Variants in SPAG16 observed in about 807,000 individuals in gnomAD.
SPAG16 encodes sperm-associated antigen 16 protein.
SPAG16 carries 86 observed loss-of-function variants against 80.4 expected under a neutral mutation model. The ratio of observed to expected loss-of-function variants is 1.07; its 90% CI spans 0.90 to 1.28. The LOEUF (loss-of-function observed/expected upper bound fraction) is 1.28, where lower values mean the gene tolerates loss of function less well. SPAG16 is among the 50% of genes most tolerant of loss of function. The pLI is 0.00. For missense variants in SPAG16, 870 were observed against 765.3 expected (o/e 1.14, Z -1.61); for synonymous variants, 294 against 265.9 (o/e 1.11, Z -1.03).
intron 10 of SPAG16, among the ~76,000 whole-genome samples, chr2:213,836,499 T>A (rs896591713): frequency 3.3e-5 from 5 of 152,200 alleles, no homozygotes; most frequent in Admixed American, 3.3e-4. Flanking sequence ...TTTTTATTAG[T>A]CTTTTATGGT....
At chr2:213,723,773 C>T (rs1020769246) in intron 10 of SPAG16, among the ~76,000 whole-genome samples, 33 of 152,152 alleles carry the variant, frequency 2.2e-4, no homozygotes, top group Admixed American at 2.1e-3. Flanking sequence ...TTCCAGGGAG[C>T]TGTGCTTCAA....
intron 10 of SPAG16, among the ~76,000 whole-genome samples, chr2:213,517,838 A>C (rs1358854507): frequency 1.3e-5 from 2 of 152,182 alleles, no homozygotes; most frequent in Non-Finnish European, 2.9e-5. Context: ...TAAGACCTAA[A>C]ACTATGAAAA....
intron 7 of SPAG16, among the ~76,000 whole-genome samples, chr2:213,353,698 C>T (rs577753422): frequency 6.6e-6 from 1 of 152,264 alleles, no homozygotes; most frequent in South Asian, 2.1e-4. Context: ...TCTCGTCCCT[C>T]AGGCACAGAA....
At chr2:213,431,305 C>A (rs564114985) in intron 9 of SPAG16, among the ~76,000 whole-genome samples, 1 of 151,660 alleles carries the variant, frequency 6.6e-6, no homozygotes, top group Non-Finnish European at 1.5e-5. Context: ...CAAATAATAA[C>A]CTTGAATGTA....
At chr2:214,337,368 G>A (rs981121111) in intron 15 of SPAG16, among the ~76,000 whole-genome samples, 8 of 151,978 alleles carry the variant, frequency 5.3e-5, no homozygotes, top group African/African-American at 1.2e-4. Flanking sequence ...TCTGTCAAAT[G>A]AGACTCAAAA....
chr2:213,515,342 G>A lies in SPAG16; in HGVS notation c.1070+25252G>A, dbSNP rs56325677. ...TTAACAGCCTCACATTGTTAGATGCGAGGAAGTCACATTGATGACTTCCTT... is the reference window on the plus strand; with the variant it reads ...TTAACAGCCTCACATTGTTAGATGCAAGGAAGTCACATTGATGACTTCCTT... On this transcript the variant is annotated intron_variant, in intron 10 of 15. Coordinates refer to ENST00000331683, the MANE Select transcript of SPAG16 (RefSeq NM_024532.5). Among the ~76,000 whole-genome samples, 398 of 152,136 alleles carry A rather than the reference G, an allele frequency of 2.6e-3. 5 individuals carry two copies. The highest frequency in any genetic ancestry group is 8.8e-3 in the African/African-American group (364 of 41,502).
intron 10 of SPAG16, among the ~76,000 whole-genome samples, chr2:213,850,091 C>A (rs2074826369): frequency 6.6e-6 from 1 of 152,176 alleles, no homozygotes; most frequent in African/African-American, 2.4e-5. Flanking sequence ...CATTGATTGT[C>A]CTCATTTCAT....
At chr2:213,428,782 C>T (rs1157206382) in intron 9 of SPAG16, among the ~76,000 whole-genome samples, 1 of 152,018 alleles carries the variant, frequency 6.6e-6, no homozygotes, top group African/African-American at 2.4e-5. Context: ...GGAGTGAACC[C>T]TGCCAGGTCT....
chr2:214,311,257 T>TC (rs1475398721), intron 15 of SPAG16, among the ~76,000 whole-genome samples: 2 of 152,006 alleles, frequency 1.3e-5, no homozygotes, highest in Non-Finnish European at 2.9e-5. Flanking sequence ...ATCCCACAGC[T>TC]CCCCAGGGAC....
At chr2:214,066,557 T>A (rs888913751) in intron 13 of SPAG16, among the ~76,000 whole-genome samples, 6 of 152,196 alleles carry the variant, frequency 3.9e-5, no homozygotes, top group Admixed American at 3.9e-4. Flanking sequence ...AAACTCTTTA[T>A]GGACAGGTAA....
intron 10 of SPAG16, among the ~76,000 whole-genome samples, chr2:213,861,239 G>A (rs1216884740): frequency 6.6e-6 from 1 of 152,134 alleles, no homozygotes; most frequent in East Asian, 1.9e-4. Flanking sequence ...CCAAAACTGT[G>A]TAGGTCTAAT....
chr2:213,445,044 C>T, intron 9 of SPAG16, among the ~76,000 whole-genome samples: 1 of 152,092 alleles, frequency 6.6e-6, no homozygotes, highest in Non-Finnish European at 1.5e-5. Context: ...TATCCATATG[C>T]AGAAGAATGA....
Position 214,250,757 on chromosome 2 carries a change from T to TAGAGAGAG in SPAG16, c.1720+101516_1720+101523dup, listed in dbSNP as rs1171199832. Among the ~76,000 whole-genome samples the TAGAGAGAG allele has an allele frequency of 6.0e-3, 552 of 91,252 alleles. 7 individuals are homozygous for TAGAGAGAG. The highest frequency in any genetic ancestry group is 0.017 in the South Asian group (39 of 2,236). 59.9% of individuals were successfully genotyped at this position (91,252 alleles called of 152,430 possible). A position where few individuals can be genotyped will look rare whatever the true frequency, so the allele number is the denominator to read the frequency against. ...AGATATATATATATATATATATATATAGAGAGAGAGAGAGAGAGAGAGAGA... is the reference window on the plus strand; with the variant it reads ...AGATATATATATATATATATATATATAGAGAGAGAGAGAGAGAGAGAGAGAGAGAGAGA... On this transcript the variant is annotated intron_variant, in intron 15 of 15. Coordinates refer to ENST00000331683, the MANE Select transcript of SPAG16 (RefSeq NM_024532.5).
intron 9 of SPAG16, among the ~76,000 whole-genome samples, chr2:213,428,521 T>C (rs1346215194): frequency 6.6e-6 from 1 of 152,108 alleles, no homozygotes; most frequent in Non-Finnish European, 1.5e-5. Context: ...GGACAGGGGA[T>C]TGTAATGCTG....
intron 15 of SPAG16, among the ~76,000 whole-genome samples, chr2:214,320,270 GTC>G (rs1292021654): frequency 2.0e-5 from 3 of 152,172 alleles, no homozygotes; most frequent in Non-Finnish European, 2.9e-5. Flanking sequence ...ATGTGGCACA[GTC>G]CTGCTCTTTT....
chr2:213,929,852 A>G (rs1052766075), intron 11 of SPAG16, 108 bp from the exon 12 acceptor site: 39 of 956,942 alleles, frequency 4.1e-5, no homozygotes, highest in Non-Finnish European at 5.4e-5. Flanking sequence ...CTACAAGTAA[A>G]AATAAATCAG....
At chr2:214,076,928 T>C (rs1285570934) in intron 13 of SPAG16, among the ~76,000 whole-genome samples, 1 of 152,138 alleles carries the variant, frequency 6.6e-6, no homozygotes, top group African/African-American at 2.4e-5. Context: ...GGAGACATAG[T>C]TCAGAGTCAT....
At position 213,526,259 on chromosome 2, in the gene SPAG16, CAATATTT is replaced by C. The variant is rs1334611714; in HGVS notation, c.1070+36171_1070+36177del. ...CAATTTTTAGTGTTCATATAATACT[CAATATTT>C]AGTATTTACACAATATGACTATGGA... On this transcript the variant is annotated intron_variant, in intron 10 of 15. Transcript: ENST00000331683. Among the ~76,000 whole-genome samples the C allele has an allele frequency of 5.3e-5, 8 of 152,166 alleles. No individual in the cohort carries two copies. The South Asian group carries it at 1.7e-3, about 32-fold the overall frequency.
chr2:214,004,849 C>G (rs2046957537), intron 12 of SPAG16, among the ~76,000 whole-genome samples: 1 of 152,006 alleles, frequency 6.6e-6, no homozygotes, highest in Non-Finnish European at 1.5e-5. Flanking sequence ...TCCGAGGAGC[C>G]TGGCTAGCAT....
Sources: allele counts gnomAD v4.1 joint callset (sites outside exome capture counted in the v4.1 genomes callset), GRCh38; gene constraint gnomAD v4.1.1; transcripts MANE v1.5; gene names NCBI Gene and HGNC (gene_info 2026-07-23, HGNC 2026-07-21).